The following ZNF469 variants were observed in gnomAD, a reference collection of about 807,000 sequenced individuals.
The protein encoded by ZNF469 is zinc finger protein 469.
Under a neutral mutation model 1.0 loss-of-function variants are expected in ZNF469, and 1 was observed. The ratio of observed to expected loss-of-function variants is 1.00; its 90% CI spans 0.35 to 4.73. ZNF469 has a LOEUF of 4.73. Among genes scored for constraint, ZNF469 ranks in the 30% most tolerant of loss-of-function variants. The probability of loss-of-function intolerance (pLI) is 0.16; values close to 1 mark genes in which losing one functional copy is unlikely to be tolerated. For synonymous variants in ZNF469, 2,703 were observed against 2,363.4 expected (o/e 1.14, Z -4.17); for missense variants, 6,100 against 5,356.3 (o/e 1.14, Z -4.33).
chr16:88,401,825 GTGGATGGATGGTGGA>G (rs1904880533), intron 1 of ZNF469, among the ~76,000 whole-genome samples: 1 of 150,894 alleles, frequency 6.6e-6, no homozygotes, highest in Non-Finnish European at 1.5e-5. Flanking sequence ...GGATGCTTGG[GTGGATGGATGGTGGA>G]TGGATGGATA....
chr16:88,331,460 A>C, the ZNF469 span, among the ~76,000 whole-genome samples: 1 of 151,198 alleles, frequency 6.6e-6, no homozygotes, highest in Non-Finnish European at 1.5e-5. Flanking sequence ...CACCACCATC[A>C]TCACTACCAC....
chr16:88,105,282 C>T, the ZNF469 span, among the ~76,000 whole-genome samples: 1 of 144,638 alleles, frequency 6.9e-6, no homozygotes, highest in African/African-American at 2.6e-5. Flanking sequence ...ACACATACAG[C>T]ATTTTCTTTT....
At chr16:88,298,135 C>T in the ZNF469 span, among the ~76,000 whole-genome samples, 1 of 152,198 alleles carries the variant, frequency 6.6e-6, no homozygotes, top group Admixed American at 6.5e-5. Flanking sequence ...TGACAGTCCC[C>T]CACCCCCTGC....
chr16:88,428,147 A>C lies in ZNF469; in HGVS notation c.677A>C (p.Glu226Ala), dbSNP rs571025240. 3.2e-6 allele frequency: 5 copies of C among 1,550,178 alleles called. No individual in the cohort carries two copies. The highest frequency in any genetic ancestry group is 4.4e-6 in the Non-Finnish European group (5 of 1,146,910). ...TSPLQPGSYP[E>A]YQASGADSWP... ...CCCCTCCAGCCCGGTTCCTATCCCG[A>C]ATACCAGGCCAGTGGGGCCGACTCC... is the stretch of plus-strand genomic sequence containing the variant. Residue 226 changes from glutamate to alanine, a missense_variant, in exon 3 of 3, where the codon GAA becomes GCA. Transcript: ENST00000565624.
At chr16:88,373,445 C>T in the ZNF469 span, among the ~76,000 whole-genome samples, 912 of 152,234 alleles carry the variant, frequency 6.0e-3, 10 homozygotes, top group African/African-American at 0.02. Flanking sequence ...TGTGTGGAGG[C>T]GGATGGGGAG....
the ZNF469 span, among the ~76,000 whole-genome samples, chr16:88,238,966 C>G: frequency 6.6e-6 from 1 of 152,222 alleles, no homozygotes; most frequent in Non-Finnish European, 1.5e-5. Context: ...TACAGTCCAG[C>G]CTCCTTGGTG....
At position 88,427,616 on chromosome 16, in the gene ZNF469, G is replaced by A. The variant is rs575883577; in HGVS notation, c.146G>A (p.Arg49Lys). The change falls in exon 3 of 3, where the codon AGG (arginine) becomes AAG (lysine). Residue 49 changes from arginine (R) to lysine (K), a missense_variant. Physicochemically the swap from Arg to Lys is conservative, Grantham distance 26 (BLOSUM62 2). Transcript: ENST00000565624. The stretch of plus-strand genomic sequence containing the variant: ...GCTACCAGGACCACCAAGGGTGCCA[G>A]GGAGGCTGGCGGCCAGGCCCAGGCC... The part of the protein sequence containing the change: ...TPATRTTKGA[R>K]EAGGQAQAME... 3 of 1,537,374 alleles carry A rather than the reference G, an allele frequency of 2.0e-6. No homozygotes were observed. Among genetic ancestry groups the A allele is most frequent in the East Asian group, 2.4e-5 (1 of 40,890 alleles).
the ZNF469 span, among the ~76,000 whole-genome samples, chr16:88,191,030 G>C: frequency 6.6e-6 from 1 of 151,366 alleles, no homozygotes; most frequent in East Asian, 1.9e-4. Context: ...GGGGCACTAG[G>C]AAACAATTAC....
the ZNF469 span, among the ~76,000 whole-genome samples, chr16:88,356,468 C>T: frequency 6.6e-6 from 1 of 151,238 alleles, no homozygotes; most frequent in South Asian, 2.1e-4. Context: ...TGACGTGTGC[C>T]TGTGTGTGTG....
At chr16:88,375,479 C>A in the ZNF469 span, among the ~76,000 whole-genome samples, 1 of 152,236 alleles carries the variant, frequency 6.6e-6, no homozygotes, top group Non-Finnish European at 1.5e-5. Flanking sequence ...CATCTTTGCA[C>A]AGAGTCCCAC....
chr16:88,275,816 G>A, the ZNF469 span, among the ~76,000 whole-genome samples: 1 of 152,200 alleles, frequency 6.6e-6, no homozygotes, highest in East Asian at 1.9e-4. Flanking sequence ...CATGGCGGAG[G>A]GGATAAGACC....
chr16:88,261,095 G>C, the ZNF469 span, among the ~76,000 whole-genome samples: 1 of 152,158 alleles, frequency 6.6e-6, no homozygotes, highest in Non-Finnish European at 1.5e-5. This position sits in a 1 kb window ranked among gnomAD's most constrained non-coding sequence, Gnocchi z 6.0. Context: ...GCGGTCCGGA[G>C]AGGCTCGAGC....
At position 88,437,652 on chromosome 16, in the gene ZNF469, G is replaced by A. The variant is rs760657834; in HGVS notation, c.10182G>A (p.Pro3394=). 9.7e-6 allele frequency: 15 copies of A among 1,544,434 alleles called. No homozygotes were observed. The South Asian group carries it at 1.5e-4, about 16-fold the overall frequency. The change falls in exon 3 of 3, where the codon CCG becomes CCA. Residue 3394 remains proline, a synonymous_variant. Transcript: ENST00000565624. ...LGGAHGLLER[P]ELQHTPLYAC... is the part of the protein sequence containing the mutation. ...GGGCGCACGGGCTGCTGGAGCGGCC[G>A]GAGCTGCAGCACACGCCGCTGTATG...
chr16:88,399,320 G>C (rs1429771686), intron 1 of ZNF469, among the ~76,000 whole-genome samples: 1 of 152,234 alleles, frequency 6.6e-6, no homozygotes, highest in Non-Finnish European at 1.5e-5. Context: ...GGCCAGCCAG[G>C]TTCTGGGGAC....
chr16:88,104,218 G>C, the ZNF469 span, among the ~76,000 whole-genome samples: 1 of 150,138 alleles, frequency 6.7e-6, no homozygotes, highest in African/African-American at 2.5e-5. Flanking sequence ...CTGTCCGATG[G>C]GGACGTCATC....
At chr16:88,251,133 C>T in the ZNF469 span, among the ~76,000 whole-genome samples, 1 of 152,248 alleles carries the variant, frequency 6.6e-6, no homozygotes, top group Non-Finnish European at 1.5e-5. Flanking sequence ...CCGCCTCAGC[C>T]TCCCAAAGTG....
At chr16:88,187,124 C>T in the ZNF469 span, among the ~76,000 whole-genome samples, 2 of 152,214 alleles carry the variant, frequency 1.3e-5, no homozygotes, top group African/African-American at 4.8e-5. Flanking sequence ...TCAGGACTAG[C>T]TGAGGTGTCT....
At chr16:88,389,794 G>T (rs752575435) in intron 1 of ZNF469, among the ~76,000 whole-genome samples, 3 of 152,212 alleles carry the variant, frequency 2.0e-5, no homozygotes, top group Non-Finnish European at 2.9e-5. Flanking sequence ...CCTCAAGGCT[G>T]TGTCTTTGAA....
Position 88,439,050 on chromosome 16 carries a change from C to G in ZNF469, c.11580C>G (p.Thr3860=). The change falls in exon 3 of 3, where the codon ACC becomes ACG. Residue 3860 remains threonine (T), a synonymous_variant. Coordinates refer to ENST00000565624, the MANE Select transcript of ZNF469 (RefSeq NM_001367624.2). ...CAACTCCCAGCCGCGTGCTCCCGAC[C>G]AAGCCCAAGCCCAACAGCCAGAACA... ...KQATPSRVLP[T]KPKPNSQNKP... 4 of 1,550,566 alleles carry G rather than the reference C, an allele frequency of 2.6e-6. No homozygotes were observed. Among genetic ancestry groups the G allele is most frequent in the African/African-American group, 2.7e-5 (2 of 73,182 alleles).
Sources: gnomAD v4.1 joint callset for allele counts (sites outside exome capture counted in the v4.1 genomes callset) on GRCh38, gnomAD v4.1.1 for gene constraint, Gnocchi (gnomAD v3.1) non-coding constraint, MANE v1.5 for transcripts, NCBI Gene and HGNC (gene_info 2026-07-23, HGNC 2026-07-21) for gene names.